The following PTPRD variants were observed in gnomAD, a reference collection of about 807,000 sequenced individuals.
The protein encoded by PTPRD is receptor-type tyrosine-protein phosphatase delta.
In PTPRD, 34 loss-of-function variants were observed where a neutral mutation model predicts 214.5. That is an observed-to-expected ratio of 0.16 (90% CI 0.12 to 0.21). PTPRD has a LOEUF of 0.21. PTPRD is among the 10% of genes least tolerant of loss of function. The pLI is 1.00. For missense variants in PTPRD, 2,545 were observed against 2,398.7 expected (o/e 1.06, Z -1.27); for synonymous variants, 1,128 against 845.7 (o/e 1.33, Z -5.79).
chr9:8,385,557 G>A (rs1310154009), intron 37 of PTPRD, among the ~76,000 whole-genome samples: 2 of 152,080 alleles, frequency 1.3e-5, no homozygotes, highest in Non-Finnish European at 2.9e-5. Context: ...TGGCAAAACA[G>A]AACGCTTGAA....
intron 14 of PTPRD, among the ~76,000 whole-genome samples, chr9:8,558,525 G>A (rs2084882405): frequency 6.6e-6 from 1 of 152,190 alleles, no homozygotes; most frequent in Non-Finnish European, 1.5e-5. Context: ...TTTCAGGCCT[G>A]CTCTGATGGA....
intron 9 of PTPRD, among the ~76,000 whole-genome samples, chr9:9,188,357 T>C (rs60429834): frequency 0.02 from 2,974 of 152,174 alleles, 97 homozygotes; most frequent in African/African-American, 0.068. Flanking sequence ...TATTTCTTGG[T>C]ATGCATGTTG....
chr9:9,650,935 C>G (rs1283316149), intron 7 of PTPRD, among the ~76,000 whole-genome samples: 1 of 151,690 alleles, frequency 6.6e-6, no homozygotes, highest in Non-Finnish European at 1.5e-5. Context: ...CTACAAATAG[C>G]AATTCTAGAG....
chr9:8,513,181 T>C (rs191865449), intron 21 of PTPRD, among the ~76,000 whole-genome samples: 1 of 152,194 alleles, frequency 6.6e-6, no homozygotes, highest in African/African-American at 2.4e-5. Flanking sequence ...ATCATCTCAA[T>C]GAAAGTCTTT....
At chr9:9,412,049 A>G (rs1184286971) in intron 8 of PTPRD, among the ~76,000 whole-genome samples, 1 of 152,198 alleles carries the variant, frequency 6.6e-6, no homozygotes, top group Non-Finnish European at 1.5e-5. Context: ...CTATGCCTAG[A>G]TGTCTGAGCC....
chr9:10,235,193 A>G (rs185667183), intron 3 of PTPRD, among the ~76,000 whole-genome samples: 1 of 152,106 alleles, frequency 6.6e-6, no homozygotes, highest in African/African-American at 2.4e-5. Context: ...TGTTAATTTA[A>G]TCAATTACAC....
intron 11 of PTPRD, among the ~76,000 whole-genome samples, chr9:9,006,361 C>A (rs535254445): frequency 6.6e-6 from 1 of 151,942 alleles, no homozygotes; most frequent in African/African-American, 2.4e-5. Flanking sequence ...CAAGAATGAA[C>A]AAAACATATA....
intron 9 of PTPRD, among the ~76,000 whole-genome samples, chr9:9,316,566 A>G (rs905816941): frequency 3.9e-5 from 6 of 152,254 alleles, no homozygotes; most frequent in Admixed American, 2.0e-4. Flanking sequence ...ACCAGTTTTT[A>G]CCCTATCATG....
chr9:10,141,114 C>T (rs908702128), intron 3 of PTPRD, among the ~76,000 whole-genome samples: 6 of 151,998 alleles, frequency 3.9e-5, no homozygotes, highest in African/African-American at 1.5e-4. Flanking sequence ...ATAATAAGAG[C>T]TATCTATGAC....
intron 11 of PTPRD, among the ~76,000 whole-genome samples, chr9:8,837,360 G>A (rs1024974777): frequency 1.3e-5 from 2 of 152,132 alleles, no homozygotes; most frequent in African/African-American, 4.8e-5. Flanking sequence ...CAGGAAACAT[G>A]AGGCATATAA....
chr9:10,320,031 T>C (rs1430785625), intron 3 of PTPRD, among the ~76,000 whole-genome samples: 1 of 152,066 alleles, frequency 6.6e-6, no homozygotes, highest in African/African-American at 2.4e-5. Flanking sequence ...TCTGACATTT[T>C]AGTGGATCAG....
intron 12 of PTPRD, among the ~76,000 whole-genome samples, chr9:8,729,301 T>C (rs1473218102): frequency 6.6e-6 from 1 of 152,184 alleles, no homozygotes; most frequent in Non-Finnish European, 1.5e-5. Context: ...ATTTCCCCTC[T>C]TGATCTTCAA....
chr9:10,267,426 A>C (rs979659455), intron 3 of PTPRD, among the ~76,000 whole-genome samples: 1 of 152,136 alleles, frequency 6.6e-6, no homozygotes, highest in African/African-American at 2.4e-5. Flanking sequence ...GTATTATTAG[A>C]GTCGTGGTTT....
chr9:9,505,938 T>A (rs572292656), intron 8 of PTPRD, among the ~76,000 whole-genome samples: 2 of 151,382 alleles, frequency 1.3e-5, no homozygotes, highest in South Asian at 4.2e-4. Flanking sequence ...GGAAATACTC[T>A]CTCATCCCTA....
intron 12 of PTPRD, among the ~76,000 whole-genome samples, chr9:8,670,357 G>A (rs550911437): frequency 6.6e-6 from 1 of 152,034 alleles, no homozygotes; most frequent in East Asian, 1.9e-4. Context: ...GTATCTCTGT[G>A]TATTACATCC....
chr9:8,926,971 T>C (rs1222871680), intron 11 of PTPRD, among the ~76,000 whole-genome samples: 1 of 152,158 alleles, frequency 6.6e-6, no homozygotes, highest in Non-Finnish European at 1.5e-5. Flanking sequence ...GAGTGTGGAA[T>C]TTTTGAGCTC....
intron 2 of PTPRD, among the ~76,000 whole-genome samples, chr9:10,348,140 A>C (rs891627904): frequency 6.6e-5 from 10 of 152,132 alleles, no homozygotes; most frequent in African/African-American, 2.4e-4. Flanking sequence ...TTTATGTCAA[A>C]CCTTATATTT....
intron 2 of PTPRD, among the ~76,000 whole-genome samples, chr9:10,575,569 C>CT (rs946204223): frequency 1.1e-4 from 17 of 151,992 alleles, no homozygotes; most frequent in African/African-American, 4.1e-4. Context: ...TAAAGTATGG[C>CT]TTTATTTTAG....
At chr9:10,596,854 A>G (rs77135788) in intron 2 of PTPRD, among the ~76,000 whole-genome samples, 9 of 151,748 alleles carry the variant, frequency 5.9e-5, no homozygotes, top group Non-Finnish European at 1.3e-4. Context: ...GTTACACTGC[A>G]TGAACATGAA....
Sources: gnomAD v4.1 joint callset for allele counts (sites outside exome capture counted in the v4.1 genomes callset) on GRCh38, gnomAD v4.1.1 for gene constraint, MANE v1.5 for transcripts, NCBI Gene and HGNC (gene_info 2026-07-23, HGNC 2026-07-21) for gene names.